The following TNR variants were observed in gnomAD, a reference collection of about 807,000 sequenced individuals.
The protein encoded by TNR is tenascin R.
In TNR, 45 loss-of-function variants were observed where a neutral mutation model predicts 150.4. That is an observed-to-expected ratio of 0.30 (90% CI 0.24 to 0.38). The LOEUF (loss-of-function observed/expected upper bound fraction) is 0.38. Ranked by LOEUF, TNR falls within the 10% of genes least tolerant of loss-of-function variation. The pLI is 1.00. For synonymous variants in TNR, 687 were observed against 678.4 expected (o/e 1.01, Z -0.20); for missense variants, 1,544 against 1,759.1 (o/e 0.88, Z 2.19).
At chr1:175,424,043 T>C (rs552681637) in intron 2 of TNR, among the ~76,000 whole-genome samples, 2 of 152,236 alleles carry the variant, frequency 1.3e-5, no homozygotes, top group Non-Finnish European at 2.9e-5. Flanking sequence ...ACATATTTAT[T>C]ATAGAATAAC....
chr1:175,484,546 C>G (rs1657931673), intron 2 of TNR, among the ~76,000 whole-genome samples: 1 of 152,146 alleles, frequency 6.6e-6, no homozygotes, highest in Non-Finnish European at 1.5e-5. Flanking sequence ...CTCTCTCTCT[C>G]TCTGAGTCTT....
chr1:175,608,651 G>T (rs1019704167), intron 1 of TNR, among the ~76,000 whole-genome samples: 1 of 152,180 alleles, frequency 6.6e-6, no homozygotes, highest in Non-Finnish European at 1.5e-5. Flanking sequence ...GCATGTTCAA[G>T]GAGCTTCTGT....
intron 2 of TNR, among the ~76,000 whole-genome samples, chr1:175,418,101 G>A (rs1654583447): frequency 6.6e-6 from 1 of 152,082 alleles, no homozygotes; most frequent in Admixed American, 6.5e-5. Flanking sequence ...TGAGAGTACT[G>A]GTATATGGAG....
In TNR at chr1:175,603,970, T is replaced by C. The variant is rs566186736; in HGVS notation, c.-164-75601A>G. 3.3e-5 allele frequency among the ~76,000 whole-genome samples: 5 copies of C among 152,144 alleles called. No homozygotes were observed. In the South Asian group the frequency reaches 6.2e-4, roughly 19 times the overall value. ...TTTCAGTATTTTATTTTCAAGTAAA[T>C]AGATCAAAAATTTTTAACCCTTGCT... On this transcript the variant is annotated intron_variant, in intron 1 of 22. Coordinates refer to ENST00000367674, the MANE Select transcript of TNR (RefSeq NM_003285.3).
intron 2 of TNR, among the ~76,000 whole-genome samples, chr1:175,422,401 G>A (rs1654790463): frequency 6.6e-6 from 1 of 152,198 alleles, no homozygotes; most frequent in South Asian, 2.1e-4. Context: ...CACACGTGAT[G>A]TGGTTCCAGC....
intron 8 of TNR, among the ~76,000 whole-genome samples, chr1:175,384,751 A>G (rs1652846945): frequency 6.6e-6 from 1 of 152,216 alleles, no homozygotes; most frequent in African/African-American, 2.4e-5. Context: ...TAACCTGGAT[A>G]GTCTCCCAAT....
At position 175,622,216 on chromosome 1, in the gene TNR, G is replaced by A. The variant is rs184066087; in HGVS notation, c.-164-93847C>T. On this transcript the variant is annotated intron_variant, in intron 1 of 22. Coordinates refer to ENST00000367674, the MANE Select transcript of TNR (RefSeq NM_003285.3). The stretch of plus-strand genomic sequence containing the variant: ...CTTGGAGACTCTGAATCTGGAAGGA[G>A]CACTGTAGGCAAAAAAGCCTTACAG... Among the ~76,000 whole-genome samples the A allele has an allele frequency of 4.1e-4, 62 of 152,340 alleles. No homozygotes were observed. In the East Asian group the frequency reaches 0.011, roughly 26 times the overall value.
At chr1:175,610,309 G>A (rs1161203951) in intron 1 of TNR, among the ~76,000 whole-genome samples, 1 of 152,200 alleles carries the variant, frequency 6.6e-6, no homozygotes, top group Admixed American at 6.5e-5. Flanking sequence ...GTTACCCTGT[G>A]ACTTAGCTAA....
chr1:175,497,127 T>C (rs1658520529), intron 2 of TNR, among the ~76,000 whole-genome samples: 1 of 152,246 alleles, frequency 6.6e-6, no homozygotes, highest in African/African-American at 2.4e-5. Flanking sequence ...TTTTCCTCCT[T>C]GCTTTCTTTT....
intron 1 of TNR, among the ~76,000 whole-genome samples, chr1:175,582,808 A>T (rs922478093): frequency 6.6e-6 from 1 of 152,108 alleles, no homozygotes; most frequent in African/African-American, 2.4e-5. Context: ...TTACAAGGTG[A>T]TTAAGCCATA....
chr1:175,580,542 C>A (rs1347488803), intron 1 of TNR, among the ~76,000 whole-genome samples: 2 of 152,212 alleles, frequency 1.3e-5, no homozygotes, highest in Non-Finnish European at 2.9e-5. Flanking sequence ...GAATAGCAGT[C>A]TTATTACATT....
intron 2 of TNR, among the ~76,000 whole-genome samples, chr1:175,494,079 T>C (rs1658371575): frequency 6.6e-6 from 1 of 152,254 alleles, no homozygotes; most frequent in East Asian, 1.9e-4. Context: ...CTCTGGTCTG[T>C]GCCTCCTTTC....
At chr1:175,343,538 C>G (rs955227160) in intron 18 of TNR, among the ~76,000 whole-genome samples, 1 of 152,136 alleles carries the variant, frequency 6.6e-6, no homozygotes, top group African/African-American at 2.4e-5. Context: ...TTACACTGTC[C>G]CTATTCCATT....
intron 1 of TNR, among the ~76,000 whole-genome samples, chr1:175,630,432 G>A (rs145137001): frequency 6.6e-6 from 1 of 152,340 alleles, no homozygotes; most frequent in East Asian, 1.9e-4. Context: ...AATGATAACA[G>A]CAATCACAAT....
At chr1:175,447,866 A>C (rs1005993123) in intron 2 of TNR, among the ~76,000 whole-genome samples, 3 of 152,234 alleles carry the variant, frequency 2.0e-5, no homozygotes, top group Admixed American at 6.5e-5. Flanking sequence ...GGGACCAATT[A>C]TGTACCTATT....
chr1:175,530,745 CCT>C (rs1186597639), intron 1 of TNR, among the ~76,000 whole-genome samples: 2 of 150,792 alleles, frequency 1.3e-5, no homozygotes, highest in Admixed American at 6.6e-5. Flanking sequence ...CCATTGCTTG[CCT>C]CTCTCTACCT....
intron 1 of TNR, among the ~76,000 whole-genome samples, chr1:175,732,113 C>T (rs1012435173): frequency 6.6e-6 from 1 of 152,184 alleles, no homozygotes; most frequent in African/African-American, 2.4e-5. Flanking sequence ...CTCTGGCTAC[C>T]ATTAGGGTTC....
intron 1 of TNR, among the ~76,000 whole-genome samples, chr1:175,685,164 CT>C (rs1666152063): frequency 1.3e-5 from 2 of 152,216 alleles, no homozygotes; most frequent in African/African-American, 4.8e-5. Context: ...TTTGTTCTCT[CT>C]GAGTTGCTTC....
intron 1 of TNR, among the ~76,000 whole-genome samples, chr1:175,551,622 C>T (rs530091510): frequency 2.0e-5 from 3 of 152,152 alleles, no homozygotes; most frequent in Middle Eastern, 3.4e-3. Context: ...TATTTGTTTT[C>T]AATATGGTTT....
Sources: allele counts gnomAD v4.1 joint callset (sites outside exome capture counted in the v4.1 genomes callset), GRCh38; gene constraint gnomAD v4.1.1; transcripts MANE v1.5; gene names NCBI Gene and HGNC (gene_info 2026-07-23, HGNC 2026-07-21).